The following AFG1L variants were observed in gnomAD, a reference collection of about 807,000 sequenced individuals.
AFG1L encodes AFG1 like ATPase, also known as AFG1-like ATPase.
Under a neutral mutation model 62.2 loss-of-function variants are expected in AFG1L, and 53 were observed. The observed-to-expected ratio is 0.85, with a 90% CI of 0.68 to 1.07. AFG1L has a LOEUF of 1.07. AFG1L is among the 50% of genes least tolerant of loss of function. The probability of loss-of-function intolerance (pLI) is 0.00; values close to 1 mark genes in which losing one functional copy is unlikely to be tolerated. For synonymous variants in AFG1L, 228 were observed against 210.3 expected, an observed-to-expected ratio of 1.08 and a Z score of -0.73; for missense variants, 555 against 590.5, an observed-to-expected ratio of 0.94 and a Z score of 0.62.
chr6:108,356,764 C>A lies in AFG1L; in HGVS notation c.592C>A (p.Pro198Thr). 1.2e-6 allele frequency: 2 copies of A among 1,613,256 alleles called. No homozygotes were observed. Among genetic ancestry groups the A allele is most frequent in the Non-Finnish European group, 1.7e-6 (2 of 1,179,450 alleles). Residue 198 changes from proline (P) to threonine (T), a missense_variant, in exon 5 of 13, where the codon CCC (proline) becomes ACC (threonine). Transcript: ENST00000368977. ...GGCTAAATCATATGACCCAATAGCTCCCATAGCCGAAGAAATCAGCGAAGA... is the reference window on the plus strand; with the variant it reads ...GGCTAAATCATATGACCCAATAGCTACCATAGCCGAAGAAATCAGCGAAGA... Reference protein sequence around the residue: ...FMAKSYDPIAPIAEEISEEAC... With the variant: ...FMAKSYDPIATIAEEISEEAC...
At chr6:108,472,824 G>A (rs1271061219) in intron 8 of AFG1L, among the ~76,000 whole-genome samples, 1 of 133,034 alleles carries the variant, frequency 7.5e-6, no homozygotes, top group African/African-American at 2.8e-5. Flanking sequence ...TTTTTTTTGA[G>A]TCATGGTCTC....
intron 11 of AFG1L, among the ~76,000 whole-genome samples, chr6:108,510,651 G>C (rs1232126518): frequency 6.6e-6 from 1 of 152,218 alleles, no homozygotes; most frequent in East Asian, 1.9e-4. Flanking sequence ...AAGACACTCT[G>C]CTATATGAAT....
intron 7 of AFG1L, among the ~76,000 whole-genome samples, chr6:108,410,747 A>G (rs958709595): frequency 6.6e-6 from 1 of 152,154 alleles, no homozygotes. Flanking sequence ...TTTTTATCAT[A>G]TTATGTGAGA....
intron 6 of AFG1L, 52 bp downstream of exon 6, chr6:108,366,384 C>G: frequency 8.9e-7 from 1 of 1,120,056 alleles, no homozygotes; most frequent in Non-Finnish European, 1.3e-6. Context: ...AACTAACAAG[C>G]TTTTAAAAAT....
intron 11 of AFG1L, among the ~76,000 whole-genome samples, chr6:108,511,501 A>G (rs1337285406): frequency 3.3e-5 from 5 of 152,322 alleles, no homozygotes; most frequent in Admixed American, 1.3e-4. Flanking sequence ...AATGGTACTT[A>G]TAAAGTTGTT....
intron 8 of AFG1L, among the ~76,000 whole-genome samples, chr6:108,475,751 G>T (rs1773082669): frequency 6.6e-6 from 1 of 152,118 alleles, no homozygotes; most frequent in Non-Finnish European, 1.5e-5. Context: ...TATATGCTTT[G>T]TTGCATTTTA....
At chr6:108,345,953 T>C (rs1778847123) in intron 2 of AFG1L, among the ~76,000 whole-genome samples, 1 of 152,206 alleles carries the variant, frequency 6.6e-6, no homozygotes, top group Non-Finnish European at 1.5e-5. Flanking sequence ...TCTACTCTAT[T>C]AATTGCTGAG....
At chr6:108,435,630 C>T (rs1771274377) in intron 7 of AFG1L, among the ~76,000 whole-genome samples, 1 of 152,082 alleles carries the variant, frequency 6.6e-6, no homozygotes, top group Admixed American at 6.6e-5. Context: ...GATGTTTCCT[C>T]ATATAGACTC....
At chr6:108,427,479 G>A (rs1488494820) in intron 7 of AFG1L, among the ~76,000 whole-genome samples, 2 of 150,760 alleles carry the variant, frequency 1.3e-5, no homozygotes, top group South Asian at 2.1e-4. Flanking sequence ...TAGTGCATAC[G>A]AGCCAATATT....
intron 6 of AFG1L, among the ~76,000 whole-genome samples, chr6:108,384,816 A>T (rs1780695752): frequency 6.6e-6 from 1 of 152,150 alleles, no homozygotes; most frequent in South Asian, 2.1e-4. Context: ...AATTCACTTG[A>T]TGGGCTTAAT....
chr6:108,513,651 G>A (rs1774757909), intron 11 of AFG1L, among the ~76,000 whole-genome samples: 1 of 152,210 alleles, frequency 6.6e-6, no homozygotes, highest in Non-Finnish European at 1.5e-5. Context: ...GCAGCTCAAG[G>A]AGGCTTGCCT....
chr6:108,323,075 T>C (rs1777876510), intron 1 of AFG1L, among the ~76,000 whole-genome samples: 2 of 152,174 alleles, frequency 1.3e-5, no homozygotes, highest in African/African-American at 4.8e-5. Flanking sequence ...TATCTGAATG[T>C]TATGTTGTCT....
chr6:108,497,943 A>G (rs1774034361), intron 10 of AFG1L, among the ~76,000 whole-genome samples: 1 of 152,168 alleles, frequency 6.6e-6, no homozygotes, highest in African/African-American at 2.4e-5. Flanking sequence ...TCTAGTCTAC[A>G]GGCTATGGGG....
At chr6:108,312,410 T>A (rs932958797) in intron 1 of AFG1L, among the ~76,000 whole-genome samples, 27 of 151,986 alleles carry the variant, frequency 1.8e-4, no homozygotes, top group African/African-American at 6.0e-4. Flanking sequence ...TACCCAGGCA[T>A]GTAGTGTGTA....
chr6:108,389,314 G>C (rs1476204608), intron 6 of AFG1L, among the ~76,000 whole-genome samples: 2 of 152,096 alleles, frequency 1.3e-5, no homozygotes, highest in Non-Finnish European at 2.9e-5. Flanking sequence ...ACACTGATGG[G>C]TCTTGACTCT....
At chr6:108,502,495 G>A (rs894162510) in intron 10 of AFG1L, among the ~76,000 whole-genome samples, 25 of 151,688 alleles carry the variant, frequency 1.6e-4, no homozygotes, top group African/African-American at 5.6e-4. Flanking sequence ...ATGAGCCACC[G>A]TGCCTGGCCT....
chr6:108,431,847 G>A (rs985985531), intron 7 of AFG1L, among the ~76,000 whole-genome samples: 5 of 151,886 alleles, frequency 3.3e-5, no homozygotes, highest in Non-Finnish European at 5.9e-5. Context: ...GCCTCCCAAA[G>A]TGCTGGGATT....
chr6:108,361,236 C>A (rs1411680724), intron 5 of AFG1L, among the ~76,000 whole-genome samples: 2 of 152,228 alleles, frequency 1.3e-5, no homozygotes, highest in Non-Finnish European at 2.9e-5. Flanking sequence ...GCACTGGGAG[C>A]CTGATCTTGT....
chr6:108,401,071 T>C (rs980238164), intron 6 of AFG1L, among the ~76,000 whole-genome samples: 8 of 150,684 alleles, frequency 5.3e-5, no homozygotes, highest in Middle Eastern at 3.2e-3. Context: ...CTGGTTCAAG[T>C]GATTCTCCTC....
Sources: allele counts gnomAD v4.1 joint callset (sites outside exome capture counted in the v4.1 genomes callset), GRCh38; gene constraint gnomAD v4.1.1; transcripts MANE v1.5; gene names NCBI Gene and HGNC (gene_info 2026-07-23, HGNC 2026-07-21).